Variants in PRKACB observed in about 807,000 individuals in gnomAD.
PRKACB encodes protein kinase cAMP-activated catalytic subunit beta, also known as cAMP-dependent protein kinase catalytic subunit beta.
PRKACB carries 16 observed loss-of-function variants against 51.4 expected under a neutral mutation model. The observed-to-expected ratio is 0.31, with a 90% CI of 0.21 to 0.47. The LOEUF is 0.47. PRKACB is among the 20% of genes least tolerant of loss of function. The pLI, the probability that PRKACB is intolerant of heterozygous loss-of-function variation, is 1.00. For synonymous variants in PRKACB, 147 were observed against 154.4 expected (o/e 0.95, Z 0.35); for missense variants, 309 against 464.5 (o/e 0.67, Z 3.08).
At chr1:84,094,856 A>G (rs545555767) in intron 1 of PRKACB, among the ~76,000 whole-genome samples, 14 of 152,142 alleles carry the variant, frequency 9.2e-5, no homozygotes, top group Non-Finnish European at 1.5e-4. Flanking sequence ...GTCATGTGGT[A>G]TGTAACAACA....
intron 1 of PRKACB, among the ~76,000 whole-genome samples, chr1:84,160,200 G>C (rs1459222866): frequency 6.6e-6 from 1 of 151,904 alleles, no homozygotes; most frequent in Non-Finnish European, 1.5e-5. Flanking sequence ...GCTTTTCTTT[G>C]TGGGAAAAAT....
chr1:84,201,643 A>C (rs1670133807), intron 7 of PRKACB, among the ~76,000 whole-genome samples: 1 of 152,086 alleles, frequency 6.6e-6, no homozygotes, highest in African/African-American at 2.4e-5. Flanking sequence ...TTTTGCTAGA[A>C]TTTTGAAAAC....
At chr1:84,088,126 A>C (rs1455236713) in intron 1 of PRKACB, among the ~76,000 whole-genome samples, 1 of 152,226 alleles carries the variant, frequency 6.6e-6, no homozygotes, top group Non-Finnish European at 1.5e-5. Flanking sequence ...ACACTAGCAT[A>C]ATTGGTATTA....
At chr1:84,183,397 G>T (rs1489107202) in intron 3 of PRKACB, among the ~76,000 whole-genome samples, 1 of 151,606 alleles carries the variant, frequency 6.6e-6, no homozygotes, top group African/African-American at 2.4e-5. Context: ...TATAAAGATA[G>T]TTTTTTCCCC....
chr1:84,136,490 C>CCACACACACACACACA (rs60681226), intron 1 of PRKACB, among the ~76,000 whole-genome samples: 2,812 of 146,640 alleles, frequency 0.019, 34 homozygotes, highest in East Asian at 0.023. Flanking sequence ...ACGGCCAAAA[C>CCACACACACACACACA]CACACACACA....
At chr1:84,176,490 T>C (rs1309565492) in intron 1 of PRKACB, among the ~76,000 whole-genome samples, 1 of 151,882 alleles carries the variant, frequency 6.6e-6, no homozygotes, top group Non-Finnish European at 1.5e-5. Flanking sequence ...AGATTTGTTA[T>C]TAAAAGATGT....
chr1:84,086,671 G>A (rs1303407454), intron 1 of PRKACB, among the ~76,000 whole-genome samples: 3 of 152,178 alleles, frequency 2.0e-5, no homozygotes, highest in Non-Finnish European at 2.9e-5. Context: ...TAACTCTCTC[G>A]GTTTTTGTAG....
At chr1:84,201,266 CATT>C (rs1286708317) in intron 7 of PRKACB, among the ~76,000 whole-genome samples, 1 of 151,976 alleles carries the variant, frequency 6.6e-6, no homozygotes, top group Non-Finnish European at 1.5e-5. Flanking sequence ...AATTGTATCT[CATT>C]GTTTTAATTC....
At chr1:84,105,375 A>G (rs1171342402) in intron 1 of PRKACB, among the ~76,000 whole-genome samples, 2 of 152,068 alleles carry the variant, frequency 1.3e-5, no homozygotes, top group Non-Finnish European at 2.9e-5. Context: ...AGGCACCACG[A>G]CTTTTGACCT....
rs1676599106 is a variant in PRKACB, at chr1:84,235,655, T to C, written c.*350T>C. Reference sequence around the variant, plus strand: ...TTGGTGTTTCAGATGGGCAGTGTTATGGCTACGTGATATTTGAAGGGAAGG... The same window carrying C: ...TTGGTGTTTCAGATGGGCAGTGTTACGGCTACGTGATATTTGAAGGGAAGG... On this transcript the variant is annotated 3_prime_UTR_variant, in exon 10 of 10. Transcript: ENST00000370685. 1 of 181,330 alleles carries C rather than the reference T, an allele frequency of 5.5e-6. No individual in the cohort carries two copies. Among genetic ancestry groups the C allele is most frequent in the Non-Finnish European group, 1.1e-5 (1 of 87,326 alleles). The allele number at this position is 181,330 out of a possible 1,614,324, so 11.2% of individuals were successfully genotyped here.
intron 5 of PRKACB, among the ~76,000 whole-genome samples, chr1:84,194,825 C>T (rs935303793): frequency 1.3e-5 from 2 of 151,950 alleles, no homozygotes; most frequent in Non-Finnish European, 2.9e-5. Flanking sequence ...GTAGTCCCAG[C>T]TACTCGGTAG....
At chr1:84,197,956 G>A in intron 7 of PRKACB, 132 bp downstream of exon 7, 1 of 598,916 alleles carries the variant, frequency 1.7e-6, no homozygotes, top group Non-Finnish European at 2.7e-6. Flanking sequence ...AAATCTATTT[G>A]TGCATGATTA....
intron 1 of PRKACB, among the ~76,000 whole-genome samples, chr1:84,135,378 C>G (rs569597190): frequency 7.2e-5 from 11 of 152,250 alleles, no homozygotes; most frequent in African/African-American, 2.6e-4. Context: ...ATTAAGCAGG[C>G]AGAAAATCAG....
intron 8 of PRKACB, 123 bp downstream of exon 8, chr1:84,202,928 G>A (rs1246369684): frequency 2.3e-6 from 2 of 875,540 alleles, no homozygotes; most frequent in Non-Finnish European, 1.6e-6. Flanking sequence ...AAAATCTACA[G>A]TTGCTGCTCT....
chr1:84,195,383 T>C (rs1667927774), intron 5 of PRKACB, among the ~76,000 whole-genome samples: 1 of 152,224 alleles, frequency 6.6e-6, no homozygotes. Context: ...TTGGAATTTG[T>C]ATTTCTCTTG....
chr1:84,190,229 G>C (rs543172265), intron 5 of PRKACB, among the ~76,000 whole-genome samples: 57 of 151,714 alleles, frequency 3.8e-4, no homozygotes, highest in African/African-American at 1.3e-3. Flanking sequence ...ATTTGTTTTA[G>C]TTTTTAAACT....
At chr1:84,234,524 C>T (rs532183708) in intron 9 of PRKACB, among the ~76,000 whole-genome samples, 2 of 152,360 alleles carry the variant, frequency 1.3e-5, no homozygotes, top group East Asian at 1.9e-4. Flanking sequence ...TCACTGCCAC[C>T]TTGCAGTTTG....
intron 7 of PRKACB, among the ~76,000 whole-genome samples, chr1:84,201,820 C>T (rs969968854): frequency 6.6e-6 from 1 of 151,980 alleles, no homozygotes; most frequent in African/African-American, 2.4e-5. Context: ...TCAGTTGATA[C>T]TGACCATAGT....
At chr1:84,156,577 A>T (rs1400361073) in intron 1 of PRKACB, among the ~76,000 whole-genome samples, 1 of 152,158 alleles carries the variant, frequency 6.6e-6, no homozygotes, top group Admixed American at 6.6e-5. Context: ...CCATCCCCAC[A>T]CTGTACCAAA....
Sources: allele counts gnomAD v4.1 joint callset (sites outside exome capture counted in the v4.1 genomes callset), GRCh38; gene constraint gnomAD v4.1.1; transcripts MANE v1.5; gene names NCBI Gene and HGNC (gene_info 2026-07-23, HGNC 2026-07-21).